The following PPL variants were observed in gnomAD, a reference collection of about 807,000 sequenced individuals.
PPL encodes the protein periplakin, also known as 190 kDa paraneoplastic pemphigus antigen.
PPL carries 198 observed loss-of-function variants against 194.4 expected under a neutral mutation model. The ratio of observed to expected loss-of-function variants is 1.02; its 90% CI spans 0.91 to 1.15. The LOEUF (loss-of-function observed/expected upper bound fraction) is 1.15, where lower values mean the gene tolerates loss of function less well. Among genes scored for constraint, PPL ranks in the 50% most tolerant of loss-of-function variants. The probability of loss-of-function intolerance (pLI) is 0.00; values close to 1 mark genes in which losing one functional copy is unlikely to be tolerated. For synonymous variants in PPL, 1,220 were observed against 972.4 expected (o/e 1.25, Z -4.74); for missense variants, 2,885 against 2,294.8 (o/e 1.26, Z -5.25).
chr16:4,931,864 C>T (rs1172914966), intron 1 of PPL, among the ~76,000 whole-genome samples: 2 of 152,234 alleles, frequency 1.3e-5, no homozygotes, highest in Admixed American at 1.3e-4. Flanking sequence ...GCAGCTGTTC[C>T]TCCAGGTAAG....
intron 1 of PPL, among the ~76,000 whole-genome samples, chr16:4,911,315 C>T (rs2088816499): frequency 1.3e-5 from 2 of 152,002 alleles, no homozygotes; most frequent in African/African-American, 4.8e-5. Flanking sequence ...GCATGCACCA[C>T]CAAGCCTGGC....
At chr16:4,904,185 G>A (rs957617459) in intron 2 of PPL, 145 bp from the exon 3 acceptor site, 9 of 839,510 alleles carry the variant, frequency 1.1e-5, no homozygotes, top group Admixed American at 2.6e-5. Context: ...CATATGGAGC[G>A]CAGTCGGTAG....
rs1217116693 is a variant in PPL, at chr16:4,894,467, C to T, written c.1394G>A (p.Ser465Asn). ...TDPEALALAD[S>N]LGSQYRSVRQ... is the part of the protein sequence containing the mutation. ...CAGACTCCCGCCTTTGCCCTTGTAC[C>T]TGTCAGCCAGAGCCAGGGCCTCAGG... The change falls in exon 12 of 22, where the codon AGC becomes AAC. Residue 465 changes from serine to asparagine, a missense_variant and splice_region_variant. By Grantham distance (46) the Ser-to-Asn change is conservative. Transcript: ENST00000345988. The T allele has an allele frequency of 6.2e-7, 1 of 1,613,774 alleles. No individual in the cohort carries two copies. The highest frequency in any genetic ancestry group is 2.2e-5 in the East Asian group (1 of 44,882).
chr16:4,916,650 G>A (rs182313924), intron 1 of PPL, among the ~76,000 whole-genome samples: 177 of 148,672 alleles, frequency 1.2e-3, no homozygotes, highest in African/African-American at 4.2e-3. Flanking sequence ...GACTACAGGC[G>A]CCTGGCACCG....
rs1347885515 is a variant in PPL at position 4,903,900 on chromosome 16, G to A, written c.303C>T (p.Asp101=). 5 of 1,613,886 alleles carry A rather than the reference G, an allele frequency of 3.1e-6. No homozygotes were observed. Among genetic ancestry groups the A allele is most frequent in the Non-Finnish European group, 3.4e-6 (4 of 1,180,032 alleles). Residue 101 remains aspartate, a synonymous_variant, in exon 3 of 22, where the codon GAC becomes GAT. Coordinates refer to ENST00000345988, the MANE Select transcript of PPL (RefSeq NM_002705.5). ...IAKHMKHPQG[D]MIAEDIRQLK... Reference sequence around the variant, plus strand: ...AAGGGACCTACTCCTCGGCGATCATGTCCCCCTGTGGGTGCTTCATGTGCT... The same window carrying A: ...AAGGGACCTACTCCTCGGCGATCATATCCCCCTGTGGGTGCTTCATGTGCT...
chr16:4,910,290 TG>T (rs1408244622), intron 2 of PPL, among the ~76,000 whole-genome samples: 3 of 152,180 alleles, frequency 2.0e-5, no homozygotes, highest in Non-Finnish European at 4.4e-5. Flanking sequence ...GGATGAGCAG[TG>T]AGAATGATAT....
chr16:4,929,910 A>G (rs1040407326), intron 1 of PPL, among the ~76,000 whole-genome samples: 5 of 150,720 alleles, frequency 3.3e-5, no homozygotes, highest in Non-Finnish European at 5.9e-5. Context: ...CTCGTCTTCA[A>G]CTCCTGGCCT....
chr16:4,909,818 T>A (rs375314477), intron 2 of PPL, among the ~76,000 whole-genome samples: 5 of 152,216 alleles, frequency 3.3e-5, no homozygotes, highest in Non-Finnish European at 7.3e-5. Context: ...AAACAATAAA[T>A]AATGTTTTAG....
chr16:4,896,854 T>G (rs890191340), intron 9 of PPL, among the ~76,000 whole-genome samples: 1 of 151,768 alleles, frequency 6.6e-6, no homozygotes, highest in African/African-American at 2.4e-5. Flanking sequence ...AGGCTGGTCT[T>G]GAACTCCTGA....
intron 19 of PPL, 107 bp downstream of exon 19, chr16:4,888,871 A>G: frequency 8.9e-7 from 1 of 1,117,484 alleles, no homozygotes; most frequent in Non-Finnish European, 1.4e-6. Flanking sequence ...TCGGATGGCC[A>G]GCTCCACCCC....
At chr16:4,932,077 G>T (rs1596593131) in intron 1 of PPL, among the ~76,000 whole-genome samples, 1 of 152,208 alleles carries the variant, frequency 6.6e-6, no homozygotes. Context: ...AGGTACGAGT[G>T]GGGAGGCCTC....
intron 1 of PPL, among the ~76,000 whole-genome samples, chr16:4,925,446 C>G (rs1370993228): frequency 6.6e-6 from 1 of 152,200 alleles, no homozygotes; most frequent in African/African-American, 2.4e-5. Flanking sequence ...TGTGCATCAC[C>G]CATTGACGTC....
intron 1 of PPL, among the ~76,000 whole-genome samples, chr16:4,918,320 T>G (rs1308402935): frequency 6.6e-6 from 1 of 151,452 alleles, no homozygotes; most frequent in African/African-American, 2.4e-5. Context: ...AAGTGCCATT[T>G]AGAAATGACA....
At chr16:4,929,051 C>T (rs1055615557) in intron 1 of PPL, among the ~76,000 whole-genome samples, 9 of 142,372 alleles carry the variant, frequency 6.3e-5, no homozygotes, top group African/African-American at 1.0e-4. Context: ...AAAGATCTGC[C>T]GAGAGTCCTG....
Position 4,885,979 on chromosome 16 carries a change from C to T in PPL, c.2676G>A (p.Ala892=), listed in dbSNP as rs779219586. Residue 892 remains alanine, a synonymous_variant, in exon 22 of 22, where the codon GCG becomes GCA. Coordinates refer to ENST00000345988, the MANE Select transcript of PPL (RefSeq NM_002705.5). The surrounding 1 kb of genome is among the most constrained non-coding windows in gnomAD (Gnocchi z 6.3). ...RNRPDSGVEE[A]WKIRKELDEE... is the part of the protein sequence containing the mutation. Reference sequence around the variant, plus strand: ...CATCCAGTTCCTTCCTGATCTTCCACGCCTCCTCCACTCCAGAGTCCGGCC... The same window carrying T: ...CATCCAGTTCCTTCCTGATCTTCCATGCCTCCTCCACTCCAGAGTCCGGCC... 1.2e-5 allele frequency: 20 copies of T among 1,613,784 alleles called. No individual in the cohort carries two copies. The Admixed American group carries it at 1.5e-4, about 12-fold the overall frequency.
chr16:4,921,286 G>A (rs1427803984), intron 1 of PPL, among the ~76,000 whole-genome samples: 3 of 152,204 alleles, frequency 2.0e-5, no homozygotes, highest in Non-Finnish European at 4.4e-5. Context: ...TACTCCCAGG[G>A]ACCAGACAAG....
In PPL at chr16:4,904,058, G is replaced by A. The variant is rs761011277; in HGVS notation, c.163-18C>T. ...GCCAGGTCCTGTGAGGGTCACAAGA[G>A]AGGGGACAATGAACAGGAGCCGAGA... On this transcript the variant is annotated intron_variant, in intron 2 of 21. Coordinates refer to ENST00000345988, the MANE Select transcript of PPL (RefSeq NM_002705.5). 6.2e-7 allele frequency: 1 copy of A among 1,608,042 alleles called. No individual in the cohort carries two copies. Among genetic ancestry groups the A allele is most frequent in the African/African-American group, 1.3e-5 (1 of 74,992 alleles).
rs988489009 is a variant in PPL, at chr16:4,886,861, C to T, written c.2607+274G>A. 2.6e-5 allele frequency among the ~76,000 whole-genome samples: 4 copies of T among 152,192 alleles called. No individual in the cohort carries two copies. In the East Asian group the frequency reaches 7.7e-4, roughly 29 times the overall value. Reference sequence around the variant, plus strand: ...CTCGAACTCCTGACCTCAGGTGATCCGCCTGCCTCGGCCTCCCAAAGTGCT... The same window carrying T: ...CTCGAACTCCTGACCTCAGGTGATCTGCCTGCCTCGGCCTCCCAAAGTGCT... On this transcript the variant is annotated intron_variant, in intron 21 of 21. Transcript: ENST00000345988.
chr16:4,934,987 A>T (rs1262151196), intron 1 of PPL, among the ~76,000 whole-genome samples: 3 of 152,140 alleles, frequency 2.0e-5, no homozygotes, highest in Admixed American at 2.0e-4. Flanking sequence ...GCTCAAAGGA[A>T]TGGTCTTGCA....
Sources: allele counts gnomAD v4.1 joint callset (sites outside exome capture counted in the v4.1 genomes callset), GRCh38; gene constraint gnomAD v4.1.1; non-coding constraint Gnocchi (gnomAD v3.1); transcripts MANE v1.5; gene names NCBI Gene and HGNC (gene_info 2026-07-23, HGNC 2026-07-21).